Variants in PCDH11X observed in about 807,000 individuals in gnomAD.
The protein encoded by PCDH11X is protocadherin-11 X-linked.
In PCDH11X, 18 loss-of-function variants were observed where a neutral mutation model predicts 53.3. That is an observed-to-expected ratio of 0.34 (90% CI 0.23 to 0.50). The LOEUF is 0.50. Among genes scored for constraint, PCDH11X ranks in the 20% least tolerant of loss-of-function variants. The pLI is 0.98. For missense variants in PCDH11X, 570 were observed against 1,032.4 expected (o/e 0.55, Z 6.14); for synonymous variants, 279 against 393.3 (o/e 0.71, Z 3.44).
At chrX:92,468,389 T>G in intron 10 of PCDH11X, 67 bp downstream of exon 10, 2 of 1,125,957 alleles carry the variant, frequency 1.8e-6, no homozygotes, top group Non-Finnish European at 2.4e-6. Context: ...AGTGCTGATT[T>G]GTGTTTAAGA....
chrX:91,977,302 G>A (rs745781595), intron 6 of PCDH11X, among the ~76,000 whole-genome samples: 5 of 111,396 alleles, frequency 4.5e-5, no homozygotes, highest in African/African-American at 1.6e-4. Context: ...TTTTGCCCAG[G>A]TGCTTAATTC....
chrX:92,118,834 C>A (rs1380771378), intron 6 of PCDH11X, among the ~76,000 whole-genome samples: 1 of 101,386 alleles, frequency 9.9e-6, no homozygotes, highest in South Asian at 4.6e-4. Context: ...CTCCGCCTCC[C>A]GGGTTCACGC....
chrX:92,113,588 T>A (rs1306398540), intron 6 of PCDH11X: 1 of 1,195,383 alleles, frequency 8.4e-7, no homozygotes, highest in African/African-American at 1.9e-5. Context: ...CGAGCATGCA[T>A]CTTCTCGGTG....
intron 10 of PCDH11X, among the ~76,000 whole-genome samples, chrX:92,598,888 C>G (rs1440404067): frequency 1.9e-5 from 2 of 105,330 alleles, no homozygotes; most frequent in African/African-American, 7.0e-5. Context: ...TTTGCAACAA[C>G]ATGGATAGAA....
intron 8 of PCDH11X, among the ~76,000 whole-genome samples, chrX:92,319,009 A>T (rs1328830348): frequency 1.8e-5 from 2 of 112,390 alleles, no homozygotes; most frequent in African/African-American, 6.5e-5. Context: ...TACTTTATTC[A>T]AATAATGTAA....
Position 91,842,665 on chromosome X carries a change from A to G in PCDH11X, c.540+6621A>G, listed in dbSNP as rs1175067909. ...CATTGGAAGAGTATTTAGTGGTAGC[A>G]TGTTTTAATTGCTGCATGCACATAT... On this transcript the variant is annotated intron_variant, in intron 5 of 10. Transcript: ENST00000682573. Among the ~76,000 whole-genome samples, 5 of 108,308 alleles carry G rather than the reference A, an allele frequency of 4.6e-5. No individual in the cohort carries two copies. In the South Asian group the frequency reaches 2.0e-3, roughly 43 times the overall value. The allele number at this position is 108,308 out of a possible 115,157, so 94.1% of individuals were successfully genotyped here. A position where few individuals can be genotyped will look rare whatever the true frequency, so the allele number is the denominator to read the frequency against.
chrX:91,898,240 A>G (rs1354748484), intron 6 of PCDH11X, among the ~76,000 whole-genome samples: 1 of 108,684 alleles, frequency 9.2e-6, no homozygotes, highest in Non-Finnish European at 1.9e-5. Flanking sequence ...CATTTTAAAG[A>G]TTGAGCTCTC....
At chrX:91,971,168 G>A (rs1186101849) in intron 6 of PCDH11X, among the ~76,000 whole-genome samples, 1 of 110,462 alleles carries the variant, frequency 9.1e-6, no homozygotes, top group Non-Finnish European at 1.9e-5. Flanking sequence ...TTGCACTTGG[G>A]GAATTTTTCT....
intron 10 of PCDH11X, among the ~76,000 whole-genome samples, chrX:92,475,696 T>C (rs1285352312): frequency 1.8e-5 from 2 of 111,829 alleles, no homozygotes; most frequent in Non-Finnish European, 3.8e-5. Context: ...TCTTTGGGCT[T>C]CTTATACTTG....
At chrX:92,130,750 T>C (rs1029855823) in intron 6 of PCDH11X, among the ~76,000 whole-genome samples, 5 of 111,261 alleles carry the variant, frequency 4.5e-5, no homozygotes, top group African/African-American at 1.6e-4. Flanking sequence ...ATTTTATATC[T>C]GTATCACATT....
intron 6 of PCDH11X, among the ~76,000 whole-genome samples, chrX:92,034,370 G>A (rs917548366): frequency 1.8e-5 from 2 of 108,475 alleles, no homozygotes; most frequent in African/African-American, 6.7e-5. Context: ...TTGTGTTGGG[G>A]TCTATTACTC....
chrX:92,432,921 A>C (rs2072283033), intron 9 of PCDH11X, among the ~76,000 whole-genome samples: 1 of 111,093 alleles, frequency 9.0e-6, no homozygotes, highest in African/African-American at 3.3e-5. Context: ...TTGTGAGCTA[A>C]ATCATCTTCA....
chrX:92,072,884 T>C (rs936205096), intron 6 of PCDH11X, among the ~76,000 whole-genome samples: 1 of 110,702 alleles, frequency 9.0e-6, no homozygotes, highest in Admixed American at 9.7e-5. Context: ...TTGCAGACCT[T>C]GTTTCCTAGA....
rs1457716676 is a variant in PCDH11X, at chrX:92,147,863, C to CTTTCTTTCTTTCTTTCTTCTTT, written c.3034-53511_3034-53510insTTCTTTCTTTCTTTCTTCTTTT. On this transcript the variant is annotated intron_variant, in intron 6 of 10. Transcript: ENST00000682573. ...TCTTTCTTTCTTTCTTTTTTCTTTT[C>CTTTCTTTCTTTCTTTCTTCTTT]TCTCTTTCCTTTCTTTCTTTTTCTT... Among the ~76,000 whole-genome samples, 123 of 60,939 alleles carry CTTTCTTTCTTTCTTTCTTCTTT rather than the reference C, an allele frequency of 2.0e-3. 1 individual carries two copies. Among genetic ancestry groups the CTTTCTTTCTTTCTTTCTTCTTT allele is most frequent in the African/African-American group, 7.5e-3 (120 of 16,035 alleles). The allele number at this position is 60,939 out of a possible 115,157, so 52.9% of individuals were successfully genotyped here. A position where few individuals can be genotyped will look rare whatever the true frequency, so the allele number is the denominator to read the frequency against.
intron 8 of PCDH11X, among the ~76,000 whole-genome samples, chrX:92,374,131 T>C (rs1169555153): frequency 9.2e-6 from 1 of 108,714 alleles, no homozygotes; most frequent in East Asian, 2.9e-4. Context: ...TTCCATGGTT[T>C]CATATAGTCT....
At chrX:91,977,849 T>G (rs1475158400) in intron 6 of PCDH11X, among the ~76,000 whole-genome samples, 2 of 111,132 alleles carry the variant, frequency 1.8e-5, no homozygotes, top group Non-Finnish European at 3.8e-5. Flanking sequence ...TGCTTTAAAT[T>G]TGCATGATTT....
At chrX:91,922,088 G>A (rs1941763326) in intron 6 of PCDH11X, among the ~76,000 whole-genome samples, 1 of 110,964 alleles carries the variant, frequency 9.0e-6, no homozygotes, top group Non-Finnish European at 1.9e-5. Context: ...GTTATGAAAT[G>A]AGTCAAGATC....
At chrX:92,338,072 A>G (rs909304141) in intron 8 of PCDH11X, among the ~76,000 whole-genome samples, 1 of 111,630 alleles carries the variant, frequency 9.0e-6, no homozygotes, top group Admixed American at 9.6e-5. Flanking sequence ...TGCTTTAAAT[A>G]TGTTTTAAAA....
intron 6 of PCDH11X, among the ~76,000 whole-genome samples, chrX:91,989,575 A>C (rs1391048679): frequency 1.3e-5 from 1 of 79,967 alleles, no homozygotes. Context: ...AAACAACAAC[A>C]AAAAAAAGAA....
Sources: gnomAD v4.1 joint callset for allele counts (sites outside exome capture counted in the v4.1 genomes callset) on GRCh38, gnomAD v4.1.1 for gene constraint, MANE v1.5 for transcripts, NCBI Gene and HGNC (gene_info 2026-07-23, HGNC 2026-07-21) for gene names.